The following KCNH1 variants were observed in gnomAD, a reference collection of about 807,000 sequenced individuals.
KCNH1 encodes the protein potassium voltage-gated channel subfamily H member 1, also known as voltage-gated delayed rectifier potassium channel KCNH1.
A neutral mutation model predicts 69.2 loss-of-function variants in KCNH1; 27 were observed. The observed-to-expected ratio is 0.39, with a 90% confidence interval of 0.29 to 0.54. The LOEUF is 0.54. KCNH1 is among the 20% of genes least tolerant of loss of function. The pLI, the probability that KCNH1 is intolerant of heterozygous loss-of-function variation, is 0.68. For missense variants in KCNH1, 798 were observed against 1,261.6 expected (o/e 0.63, Z 5.57); for synonymous variants, 456 against 487.7 (o/e 0.93, Z 0.86).
At chr1:210,908,262 G>A (rs960046658) in intron 7 of KCNH1, among the ~76,000 whole-genome samples, 2 of 152,160 alleles carry the variant, frequency 1.3e-5, no homozygotes, top group Non-Finnish European at 2.9e-5. Context: ...ATTTGTGGAG[G>A]GGAGAGAGAA....
intron 5 of KCNH1, among the ~76,000 whole-genome samples, chr1:211,073,632 T>C (rs1239825327): frequency 6.6e-6 from 1 of 152,058 alleles, no homozygotes; most frequent in African/African-American, 2.4e-5. Flanking sequence ...GGCCAAAGAA[T>C]ATATCTCAAG....
chr1:210,759,693 C>A (rs915496011), intron 10 of KCNH1, among the ~76,000 whole-genome samples: 1 of 152,032 alleles, frequency 6.6e-6, no homozygotes, highest in Non-Finnish European at 1.5e-5. Context: ...CATAATGTAA[C>A]CAAATACATG....
At chr1:210,697,903 A>C (rs971686833) in intron 10 of KCNH1, among the ~76,000 whole-genome samples, 2 of 152,274 alleles carry the variant, frequency 1.3e-5, no homozygotes, top group Admixed American at 1.3e-4. Context: ...TTCAGGAAGC[A>C]GATAATGCAA....
At chr1:210,920,091 G>A (rs368174884) in intron 6 of KCNH1, 22 bp from the exon 7 acceptor site, 55 of 1,603,232 alleles carry the variant, frequency 3.4e-5, no homozygotes, top group African/African-American at 6.7e-5. Flanking sequence ...GGAACACAGC[G>A]TCAGGGCCAA....
At chr1:210,821,599 G>A (rs1684930459) in intron 7 of KCNH1, among the ~76,000 whole-genome samples, 2 of 152,104 alleles carry the variant, frequency 1.3e-5, no homozygotes. Flanking sequence ...GGAGAGCCAG[G>A]AGGAGTGAAA....
In KCNH1 at chr1:210,916,171, C is replaced by T. The variant is rs189393761; in HGVS notation, c.1462+3469G>A. On this transcript the variant is annotated intron_variant, in intron 7 of 10. Transcript: ENST00000271751. ...AGGTCAGTGTATACATGTGTATACACGGGCAAAAAAGGGTAAAAGAGAACT... is the reference window on the plus strand; with the variant it reads ...AGGTCAGTGTATACATGTGTATACATGGGCAAAAAAGGGTAAAAGAGAACT... Among the ~76,000 whole-genome samples the T allele has an allele frequency of 1.2e-3, 180 of 151,900 alleles. 1 individual carries two copies. Among genetic ancestry groups the T allele is most frequent in the African/African-American group, 4.2e-3 (172 of 41,420 alleles).
intron 4 of KCNH1, among the ~76,000 whole-genome samples, chr1:211,089,284 A>C (rs1275670843): frequency 6.6e-6 from 1 of 152,222 alleles, no homozygotes. Flanking sequence ...TAGCTACTGC[A>C]CTGAGAAATC....
intron 10 of KCNH1, among the ~76,000 whole-genome samples, chr1:210,770,588 C>T (rs17260781): frequency 0.15 from 23,513 of 152,276 alleles, 2,424 homozygotes; most frequent in Non-Finnish European, 0.24. Flanking sequence ...CTAACGAAAG[C>T]GAAATGTGTC....
At chr1:211,035,499 C>T (rs61848568) in intron 5 of KCNH1, among the ~76,000 whole-genome samples, 20,992 of 151,390 alleles carry the variant, frequency 0.14, 1,733 homozygotes, top group East Asian at 0.39. Context: ...CCGCCCGCCT[C>T]GGCCTCCCAA....
At chr1:210,702,923 A>C (rs2149011959) in intron 10 of KCNH1, among the ~76,000 whole-genome samples, 1 of 152,244 alleles carries the variant, frequency 6.6e-6, no homozygotes, top group South Asian at 2.1e-4. Flanking sequence ...TCTTCTCCCA[A>C]GTTTTAACAA....
At chr1:211,079,368 A>G (rs961212983) in intron 5 of KCNH1, among the ~76,000 whole-genome samples, 10 of 152,246 alleles carry the variant, frequency 6.6e-5, no homozygotes, top group Non-Finnish European at 1.5e-4. Context: ...ATGGATTCAC[A>G]GCGAAATTCT....
rs527270283 is a variant in KCNH1, at chr1:210,828,988, G to A, written c.1463-24822C>T. On this transcript the variant is annotated intron_variant, in intron 7 of 10. Transcript: ENST00000271751. ...GAAGATTCTCCCACAAGTTGAGAAG[G>A]CAGGAAAGGAAGGCCATCATGGAGG... Among the ~76,000 whole-genome samples the A allele has an allele frequency of 1.8e-4, 28 of 152,324 alleles. 1 individual carries two copies. In the South Asian group the frequency reaches 5.4e-3, roughly 29 times the overall value.
intron 10 of KCNH1, among the ~76,000 whole-genome samples, chr1:210,710,637 T>C (rs928841473): frequency 1.3e-5 from 2 of 152,162 alleles, no homozygotes; most frequent in Non-Finnish European, 2.9e-5. Context: ...CTTATCCCTA[T>C]TTTACAGAAT....
chr1:211,105,864 A>G (rs930370017), intron 2 of KCNH1, among the ~76,000 whole-genome samples: 1 of 152,248 alleles, frequency 6.6e-6, no homozygotes, highest in African/African-American at 2.4e-5. Flanking sequence ...TAAGAATTAT[A>G]ATGTCTAAAC....
intron 1 of KCNH1, among the ~76,000 whole-genome samples, chr1:211,107,679 T>G (rs1691382369): frequency 6.6e-6 from 1 of 152,160 alleles, no homozygotes; most frequent in Admixed American, 6.5e-5. Flanking sequence ...TGAGACATAT[T>G]TAAGTCCTAA....
Position 210,701,467 on chromosome 1 carries a change from C to T in KCNH1, c.2113-17329G>A, listed in dbSNP as rs1227801611. Among the ~76,000 whole-genome samples, 27 of 152,192 alleles carry T rather than the reference C, an allele frequency of 1.8e-4. 1 individual carries two copies. Among genetic ancestry groups the T allele is most frequent in the Admixed American group, 1.8e-3 (27 of 15,276 alleles). ...GCTTACTAAGGTCGCAAAGAAGTTT[C>T]TCTGAAGCAGAGCTTTCTTCTAAGA... On this transcript the variant is annotated intron_variant, in intron 10 of 10. Coordinates refer to ENST00000271751, the MANE Select transcript of KCNH1 (RefSeq NM_172362.3).
At chr1:211,115,480 G>T (rs1691554929) in intron 1 of KCNH1, among the ~76,000 whole-genome samples, 1 of 151,930 alleles carries the variant, frequency 6.6e-6, no homozygotes, top group Non-Finnish European at 1.5e-5. Context: ...CATCTAATCA[G>T]CTTCCAGCAA....
chr1:210,804,661 T>C (rs548617724), intron 7 of KCNH1, among the ~76,000 whole-genome samples: 10 of 152,298 alleles, frequency 6.6e-5, no homozygotes, highest in African/African-American at 2.4e-4. Context: ...AAGGACAGGA[T>C]GGTGAATAAA....
chr1:210,917,217 GAGAGAGAGAGAGAGAA>G (rs1184147083), intron 7 of KCNH1, among the ~76,000 whole-genome samples: 4 of 88,702 alleles, frequency 4.5e-5, no homozygotes, highest in South Asian at 4.3e-4. Flanking sequence ...CAGAGAGAGA[GAGAGAGAGAGAGAGAA>G]AGAAAGAAAG....
Sources: allele counts gnomAD v4.1 joint callset (sites outside exome capture counted in the v4.1 genomes callset), GRCh38; gene constraint gnomAD v4.1.1; transcripts MANE v1.5; gene names NCBI Gene and HGNC (gene_info 2026-07-23, HGNC 2026-07-21).